Variants in RFTN1 observed in about 807,000 individuals in gnomAD.
RFTN1 encodes the protein raftlin.
A neutral mutation model predicts 46.5 loss-of-function variants in RFTN1; 26 were observed. The ratio of observed to expected loss-of-function variants is 0.56; its 90% CI spans 0.41 to 0.78. RFTN1 has a LOEUF of 0.78. Ranked by LOEUF, RFTN1 falls within the 30% of genes least tolerant of loss-of-function variation. The pLI is 0.00. For synonymous variants in RFTN1, 261 were observed against 284.2 expected, an observed-to-expected ratio of 0.92 and a Z score of 0.82; for missense variants, 693 against 718.7, an observed-to-expected ratio of 0.96 and a Z score of 0.41.
In RFTN1 at chr3:16,425,976, C is replaced by T. The variant is rs2075282564; in HGVS notation, c.332+7875G>A. Reference sequence around the variant, plus strand: ...GCAGCTGCCAGCAACGGGTGTTCGCCCCACCTAAATCGGAATCCAAAATAA... The same window carrying T: ...GCAGCTGCCAGCAACGGGTGTTCGCTCCACCTAAATCGGAATCCAAAATAA... On this transcript the variant is annotated intron_variant, in intron 3 of 9. Coordinates refer to ENST00000334133, the MANE Select transcript of RFTN1 (RefSeq NM_015150.2). This position sits in a 1 kb window ranked among gnomAD's most constrained non-coding sequence, Gnocchi z 4.3. Among the ~76,000 whole-genome samples, 1 of 152,084 alleles carries T rather than the reference C, an allele frequency of 6.6e-6. No individual in the cohort carries two copies. Among genetic ancestry groups the T allele is most frequent in the African/African-American group, 2.4e-5 (1 of 41,388 alleles).
intron 8 of RFTN1, among the ~76,000 whole-genome samples, chr3:16,324,613 A>ACC (rs111849488): frequency 0.43 from 38,421 of 90,030 alleles, 10,208 homozygotes; most frequent in Non-Finnish European, 0.45. Flanking sequence ...AATGTCCCTG[A>ACC]CCCCCCCCCT....
Position 16,443,877 on chromosome 3 carries a change from T to C in RFTN1, c.146-9840A>G, listed in dbSNP as rs1163739378. Among the ~76,000 whole-genome samples, 1 of 152,100 alleles carries C rather than the reference T, an allele frequency of 6.6e-6. No individual in the cohort carries two copies. Among genetic ancestry groups the C allele is most frequent in the Admixed American group, 6.6e-5 (1 of 15,248 alleles). ...GCATCCATTAATAAAACTCAGAAGA[T>C]GGCATTATTGTTCACCTCACCAGTC... On this transcript the variant is annotated intron_variant, in intron 2 of 9. Coordinates refer to ENST00000334133, the MANE Select transcript of RFTN1 (RefSeq NM_015150.2). The surrounding 1 kb of genome is among the most constrained non-coding windows in gnomAD (Gnocchi z 5.5).
intron 6 of RFTN1, among the ~76,000 whole-genome samples, chr3:16,360,758 T>C (rs1001131422): frequency 7.9e-5 from 12 of 152,314 alleles, no homozygotes; most frequent in Non-Finnish European, 1.3e-4. Context: ...TATTTAACCA[T>C]AGAAAAATAG....
chr3:16,502,501 C>T (rs1367946645), intron 1 of RFTN1, among the ~76,000 whole-genome samples: 1 of 152,220 alleles, frequency 6.6e-6, no homozygotes, highest in African/African-American at 2.4e-5. Context: ...TGGTCCCCTC[C>T]CACAGTGAAT....
intron 2 of RFTN1, among the ~76,000 whole-genome samples, chr3:16,439,310 G>A (rs2125507485): frequency 6.6e-6 from 1 of 152,272 alleles, no homozygotes; most frequent in South Asian, 2.1e-4. Flanking sequence ...CCACTTGGAT[G>A]GACATACCAG....
intron 3 of RFTN1, among the ~76,000 whole-genome samples, chr3:16,415,783 A>G (rs1391044376): frequency 6.6e-6 from 1 of 152,102 alleles, no homozygotes; most frequent in Non-Finnish European, 1.5e-5. Flanking sequence ...CATCCTGTCA[A>G]TTTCCTCAAT....
intron 4 of RFTN1, among the ~76,000 whole-genome samples, chr3:16,379,056 T>C (rs1412553741): frequency 6.6e-6 from 1 of 152,246 alleles, no homozygotes; most frequent in Non-Finnish European, 1.5e-5. Context: ...TAAGTCATTT[T>C]ACAAATAAAT....
chr3:16,490,926 T>C (rs2076530933), intron 2 of RFTN1, among the ~76,000 whole-genome samples: 1 of 152,262 alleles, frequency 6.6e-6, no homozygotes, highest in Non-Finnish European at 1.5e-5. Flanking sequence ...TCAGCAAATA[T>C]TTGCTGATTA....
chr3:16,320,158 T>TG lies in RFTN1; in HGVS notation c.1333-2927dup, dbSNP rs2068882044. Among the ~76,000 whole-genome samples the TG allele has an allele frequency of 6.6e-6, 1 of 152,210 alleles. No homozygotes were observed. Among genetic ancestry groups the TG allele is most frequent in the Non-Finnish European group, 1.5e-5 (1 of 68,040 alleles). On this transcript the variant is annotated intron_variant, in intron 9 of 9. Coordinates refer to ENST00000334133, the MANE Select transcript of RFTN1 (RefSeq NM_015150.2). The surrounding 1 kb of genome is among the most constrained non-coding windows in gnomAD (Gnocchi z 4.5). ...TGCACATTTTAAAAACTGCCCATGA[T>TG]GTGTCCACTTCAAGTAGTTTAGCTG... is the stretch of plus-strand genomic sequence containing the variant.
At chr3:16,359,741 C>T (rs1424192404) in intron 6 of RFTN1, among the ~76,000 whole-genome samples, 1 of 152,110 alleles carries the variant, frequency 6.6e-6, no homozygotes, top group African/African-American at 2.4e-5. Flanking sequence ...AGTAAACATA[C>T]AAACAAAGCG....
At chr3:16,408,345 T>C (rs1225424567) in intron 4 of RFTN1, among the ~76,000 whole-genome samples, 1 of 152,192 alleles carries the variant, frequency 6.6e-6, no homozygotes, top group African/African-American at 2.4e-5. Flanking sequence ...TTTTATTCTC[T>C]GTATCCCAGC....
At chr3:16,496,289 C>T (rs1419011954) in intron 1 of RFTN1, among the ~76,000 whole-genome samples, 1 of 152,246 alleles carries the variant, frequency 6.6e-6, no homozygotes, top group African/African-American at 2.4e-5. Context: ...CTAAAATCAG[C>T]TCTCAAAAGC....
At chr3:16,386,215 G>C (rs1400774081) in intron 4 of RFTN1, among the ~76,000 whole-genome samples, 1 of 152,096 alleles carries the variant, frequency 6.6e-6, no homozygotes, top group Middle Eastern at 3.2e-3. Flanking sequence ...GGATTCCTAT[G>C]AGAAGCAGGG....
chr3:16,435,580 A>AAAAAC (rs549934762), intron 2 of RFTN1, among the ~76,000 whole-genome samples: 206 of 152,288 alleles, frequency 1.4e-3, no homozygotes, highest in African/African-American at 4.8e-3. Context: ...CAAAAAGCAA[A>AAAAAC]AAAACAAAAC....
Position 16,422,114 on chromosome 3 carries a change from A to C in RFTN1, c.332+11737T>G, listed in dbSNP as rs2075197383. ...CCCCACTTTGGTAACCACTGTTTAGATAGTACATAGAATTTCCAGAATTAT... is the reference window on the plus strand; with the variant it reads ...CCCCACTTTGGTAACCACTGTTTAGCTAGTACATAGAATTTCCAGAATTAT... On this transcript the variant is annotated intron_variant, in intron 3 of 9. Transcript: ENST00000334133. The surrounding 1 kb of genome is among the most constrained non-coding windows in gnomAD (Gnocchi z 4.6). Among the ~76,000 whole-genome samples, 1 of 152,246 alleles carries C rather than the reference A, an allele frequency of 6.6e-6. No individual in the cohort carries two copies. The highest frequency in any genetic ancestry group is 1.5e-5 in the Non-Finnish European group (1 of 68,042).
In RFTN1 at chr3:16,500,393, G is replaced by A. The variant is rs988120433; in HGVS notation, c.-8-6516C>T. On this transcript the variant is annotated intron_variant, in intron 1 of 9. Transcript: ENST00000334133. The surrounding 1 kb of genome is among the most constrained non-coding windows in gnomAD (Gnocchi z 5.9). ...TGTGTATGGGTCTCCCGAGCATCAAGGTACCAAGAAAAACTTTCCAAGAAG... is the reference window on the plus strand; with the variant it reads ...TGTGTATGGGTCTCCCGAGCATCAAAGTACCAAGAAAAACTTTCCAAGAAG... Among the ~76,000 whole-genome samples the A allele has an allele frequency of 6.6e-6, 1 of 152,090 alleles. No individual in the cohort carries two copies. Among genetic ancestry groups the A allele is most frequent in the South Asian group, 2.1e-4 (1 of 4,818 alleles).
At chr3:16,488,025 A>G (rs2076478112) in intron 2 of RFTN1, among the ~76,000 whole-genome samples, 3 of 151,708 alleles carry the variant, frequency 2.0e-5, no homozygotes, top group African/African-American at 7.3e-5. Flanking sequence ...GTGAGGCTGC[A>G]TGTTCCAGTA....
intron 5 of RFTN1, among the ~76,000 whole-genome samples, chr3:16,377,321 G>C (rs1174325834): frequency 6.6e-6 from 1 of 152,154 alleles, no homozygotes; most frequent in African/African-American, 2.4e-5. Flanking sequence ...GCTGTAAAAT[G>C]TCTTGCTTTA....
chr3:16,493,287 A>C (rs1269418537), intron 2 of RFTN1, among the ~76,000 whole-genome samples: 1 of 150,950 alleles, frequency 6.6e-6, no homozygotes. Context: ...GCTGGAGTGC[A>C]GTGGCGTGAT....
Sources: allele counts gnomAD v4.1 joint callset (sites outside exome capture counted in the v4.1 genomes callset), GRCh38; gene constraint gnomAD v4.1.1; non-coding constraint Gnocchi (gnomAD v3.1); transcripts MANE v1.5; gene names NCBI Gene and HGNC (gene_info 2026-07-23, HGNC 2026-07-21).